Variants in PNISR observed in about 807,000 individuals in gnomAD.
The protein encoded by PNISR is arginine/serine-rich protein PNISR.
In PNISR, 20 loss-of-function variants were observed where a neutral mutation model predicts 93.4. The ratio of observed to expected loss-of-function variants is 0.21; its 90% CI spans 0.15 to 0.31. The LOEUF (loss-of-function observed/expected upper bound fraction) is 0.31, where lower values mean the gene tolerates loss of function less well. PNISR is among the 10% of genes least tolerant of loss of function. The pLI, the probability that PNISR is intolerant of heterozygous loss-of-function variation, is 1.00. For synonymous variants in PNISR, 305 were observed against 306.5 expected, an observed-to-expected ratio of 0.99 and a Z score of 0.05; for missense variants, 893 against 985.4, an observed-to-expected ratio of 0.91 and a Z score of 1.25.
intron 1 of PNISR, among the ~76,000 whole-genome samples, chr6:99,417,186 C>G (rs1313675691): frequency 2.6e-5 from 4 of 152,194 alleles, no homozygotes; most frequent in Non-Finnish European, 5.9e-5. Flanking sequence ...AAAGTGCCTA[C>G]TGAAACTGAA....
chr6:99,403,955 G>T, intron 9 of PNISR, 73 bp from the exon 10 acceptor site: 1 of 1,056,564 alleles, frequency 9.5e-7, no homozygotes, highest in Non-Finnish European at 1.5e-6. Context: ...TGAGTCTATG[G>T]TATTGTTAAA....
In PNISR at chr6:99,404,642, A is replaced by C; in HGVS notation, c.1063T>G (p.Tyr355Asp). Residue 355 changes from tyrosine to aspartate, a missense_variant, in exon 9 of 12, where the codon TAT becomes GAT. This residue lies in a region of PNISR where 866 missense variants were observed against 935.1 expected (regional missense o/e 0.93). Transcript: ENST00000369239. ...ILLDVTDEEIYYVAKDAHRKA... is the reference protein window; with the variant it reads ...ILLDVTDEEIDYVAKDAHRKA... ...CGGTGTGCATCTTTGGCTACGTAATAAATTTCTTCATCTGTGACATCCAGC... is the reference window on the plus strand; with the variant it reads ...CGGTGTGCATCTTTGGCTACGTAATCAATTTCTTCATCTGTGACATCCAGC... 6.2e-7 allele frequency: 1 copy of C among 1,607,976 alleles called. No homozygotes were observed. Among genetic ancestry groups the C allele is most frequent in the South Asian group, 1.1e-5 (1 of 90,934 alleles).
At chr6:99,423,196 C>T (rs1778853432) in intron 1 of PNISR, among the ~76,000 whole-genome samples, 1 of 150,218 alleles carries the variant, frequency 6.7e-6, no homozygotes, top group Admixed American at 6.6e-5. Context: ...GTAGACAACT[C>T]GAAGAGCTGC....
intron 2 of PNISR, 97 bp from the exon 3 acceptor site, chr6:99,414,787 C>A: frequency 1.8e-6 from 1 of 546,780 alleles, no homozygotes; most frequent in Non-Finnish European, 3.0e-6. Context: ...TTTATTTCAT[C>A]AGAGGTCTAA....
chr6:99,403,448 T>G (rs1233466695), intron 10 of PNISR: 1 of 154,484 alleles, frequency 6.5e-6, no homozygotes, highest in Non-Finnish European at 1.4e-5. Context: ...GGATAGGTTC[T>G]TCCCTAAGGC....
At chr6:99,410,989 C>G (rs199518606) in intron 4 of PNISR, 25 bp from the exon 5 acceptor site, 1 of 1,525,548 alleles carries the variant, frequency 6.6e-7, no homozygotes, top group East Asian at 2.3e-5. Flanking sequence ...GGCATAAAAA[C>G]ATTCAACAGG....
At chr6:99,419,502 T>C (rs1309179916) in intron 1 of PNISR, among the ~76,000 whole-genome samples, 1 of 152,194 alleles carries the variant, frequency 6.6e-6, no homozygotes, top group Non-Finnish European at 1.5e-5. Context: ...TCTGTCCCTT[T>C]TCTACAAAAT....
rs1166838873 is a variant in PNISR at position 99,419,152 on chromosome 6, C to CAAAAAAAAAAAAAAAAA, written c.-111-2741_-111-2725dup. 8.6e-4 allele frequency among the ~76,000 whole-genome samples: 17 copies of CAAAAAAAAAAAAAAAAA among 19,824 alleles called. 5 individuals are homozygous for CAAAAAAAAAAAAAAAAA. Among genetic ancestry groups the CAAAAAAAAAAAAAAAAA allele is most frequent in the Admixed American group, 2.2e-3 (2 of 928 alleles). 13.0% of individuals were successfully genotyped at this position (19,824 alleles called of 152,430 possible). ...TGGGTGCCAGAGCGAGACTCCGTCT[C>CAAAAAAAAAAAAAAAAA]AAAAAAAAAAAAAAAAAAAAAAAAA... is the stretch of plus-strand genomic sequence containing the variant. On this transcript the variant is annotated intron_variant, in intron 1 of 11. Transcript: ENST00000369239.
At chr6:99,422,069 G>A (rs1320127430) in intron 1 of PNISR, among the ~76,000 whole-genome samples, 9 of 152,156 alleles carry the variant, frequency 5.9e-5, no homozygotes, top group Middle Eastern at 3.4e-3. Flanking sequence ...GTTTCACCAT[G>A]TTGCCCAGGC....
rs1196507794 is a variant in PNISR at position 99,401,434 on chromosome 6, A to G, written c.1524T>C (p.Ser508=). Residue 508 remains serine (S), a synonymous_variant, in exon 12 of 12, where the codon AGT becomes AGC. Transcript: ENST00000369239. ...EHKEKEKQGR[S]RSGSSSSGSS... is the part of the protein sequence containing the mutation. Reference sequence around the variant, plus strand: ...TACCACTACTAGAACTTCCCGACCTACTCCTTCCTTGTTTTTCTTTTTCTT... The same window carrying G: ...TACCACTACTAGAACTTCCCGACCTGCTCCTTCCTTGTTTTTCTTTTTCTT... 5.0e-6 allele frequency: 8 copies of G among 1,598,464 alleles called. No individual in the cohort carries two copies. Among genetic ancestry groups the G allele is most frequent in the Non-Finnish European group, 6.8e-6 (8 of 1,168,878 alleles).
chr6:99,401,620 C>A lies in PNISR; in HGVS notation c.1338G>T (p.Gln446His). ...TCTCTTTTGTAACCCTTTCTGTTTG[C>A]TGCTTTTCTTCTGAAACAGAAAAAG... Reference protein sequence around the residue: ...LHDKQMEEEKQQTERVTKEMN... With the variant: ...LHDKQMEEEKHQTERVTKEMN... The change falls in exon 12 of 12, where the codon CAG (glutamine) becomes CAT (histidine). Residue 446 changes from glutamine to histidine, a missense_variant. Physicochemically the swap from Gln to His is conservative, Grantham distance 24. Transcript: ENST00000369239. 6.5e-7 allele frequency: 1 copy of A among 1,532,842 alleles called. No homozygotes were observed. The highest frequency in any genetic ancestry group is 8.7e-7 in the Non-Finnish European group (1 of 1,145,582). The allele number at this position is 1,532,842 out of a possible 1,614,324, so 95.0% of individuals were successfully genotyped here.
Position 99,410,934 on chromosome 6 carries a change from G to A in PNISR, c.308C>T (p.Pro103Leu). 6 of 1,613,916 alleles carry A rather than the reference G, an allele frequency of 3.7e-6. No homozygotes were observed. Among genetic ancestry groups the A allele is most frequent in the Non-Finnish European group, 5.1e-6 (6 of 1,179,862 alleles). Residue 103 changes from proline to leucine, a missense_variant, in exon 5 of 12, where the codon CCC becomes CTC. Coordinates refer to ENST00000369239, the MANE Select transcript of PNISR (RefSeq NM_032870.4). ...TGGCATCCATGGCTGATCTGGAGGG[G>A]GGTGTGGGGGTTGCTGATGCATTCC... is the stretch of plus-strand genomic sequence containing the variant. ...EWGMHQQPPH[P>L]PPDQPWMPPT...
At chr6:99,415,116 A>C (rs1777506761) in intron 2 of PNISR, 1 of 152,338 alleles carries the variant, frequency 6.6e-6, no homozygotes, top group Admixed American at 6.5e-5. Flanking sequence ...TGAAGAATGT[A>C]GAACAGAATT....
At chr6:99,410,496 T>C (rs1776769920) in intron 5 of PNISR, 5 of 481,736 alleles carry the variant, frequency 1.0e-5, no homozygotes, top group South Asian at 6.4e-5. Flanking sequence ...ATTGCACTTA[T>C]ACATTTTTAA....
intron 6 of PNISR, 56 bp downstream of exon 6, chr6:99,409,117 T>C: frequency 6.6e-6 from 9 of 1,359,252 alleles, no homozygotes; most frequent in Non-Finnish European, 8.4e-6. Flanking sequence ...ACATCCTTTT[T>C]ATATGATAAA....
At chr6:99,410,693 T>A in intron 5 of PNISR, 48 bp downstream of exon 5, 1 of 1,352,258 alleles carries the variant, frequency 7.4e-7, no homozygotes. Context: ...TTCCAAAGAA[T>A]GGATTACGTG....
In PNISR at chr6:99,416,372, A is replaced by T; in HGVS notation, c.-55T>A. 8.2e-7 allele frequency: 1 copy of T among 1,214,932 alleles called. No individual in the cohort carries two copies. 75.3% of individuals were successfully genotyped at this position (1,214,932 alleles called of 1,614,324 possible). On this transcript the variant is annotated 5_prime_UTR_variant, in exon 2 of 12. Transcript: ENST00000369239. Reference sequence around the variant, plus strand: ...ACCTCAGAGGTTCACCTTCTGTTTAAAACTTAGGTTGATTCAGACTACAGC... The same window carrying T: ...ACCTCAGAGGTTCACCTTCTGTTTATAACTTAGGTTGATTCAGACTACAGC...
intron 2 of PNISR, 83 bp from the exon 3 acceptor site, chr6:99,414,773 T>C: frequency 1.7e-6 from 1 of 590,482 alleles, no homozygotes; most frequent in Non-Finnish European, 2.8e-6. Flanking sequence ...TATATGATGA[T>C]ACATTTATTT....
In PNISR at chr6:99,398,479, A is replaced by G. The variant is rs1775110573; in HGVS notation, c.*2061T>C. On this transcript the variant is annotated 3_prime_UTR_variant, in exon 12 of 12. Transcript: ENST00000369239. ...CACTAAAAGTCTGAAAAACCCAAAT[A>G]TCAAATTATAACACTGGTTTATGTA... is the stretch of plus-strand genomic sequence containing the variant. 1 of 152,142 alleles carries G rather than the reference A, an allele frequency of 6.6e-6. No homozygotes were observed. Among genetic ancestry groups the G allele is most frequent in the Non-Finnish European group, 1.5e-5 (1 of 67,960 alleles). 9.4% of individuals were successfully genotyped at this position (152,142 alleles called of 1,614,324 possible).
Sources: allele counts gnomAD v4.1 joint callset (sites outside exome capture counted in the v4.1 genomes callset), GRCh38; gene constraint gnomAD v4.1.1; regional missense constraint gnomAD v4.1.1; transcripts MANE v1.5; gene names NCBI Gene and HGNC (gene_info 2026-07-23, HGNC 2026-07-21).